The following CYTH4 variants were observed in gnomAD, a reference collection of about 807,000 sequenced individuals.
The protein encoded by CYTH4 is cytohesin 4.
Under a neutral mutation model 57.5 loss-of-function variants are expected in CYTH4, and 22 were observed. The ratio of observed to expected loss-of-function variants is 0.38; its 90% CI spans 0.27 to 0.55. The LOEUF (loss-of-function observed/expected upper bound fraction) is 0.55, where lower values mean the gene tolerates loss of function less well. Among genes scored for constraint, CYTH4 ranks in the 20% least tolerant of loss-of-function variants. CYTH4 has a pLI of 0.74. For missense variants in CYTH4, 420 were observed against 535.6 expected (o/e 0.78, Z 2.13); for synonymous variants, 186 against 206.5 (o/e 0.90, Z 0.85).
chr22:37,302,588 T>C (rs1929222190), intron 7 of CYTH4, among the ~76,000 whole-genome samples: 1 of 152,172 alleles, frequency 6.6e-6, no homozygotes, highest in South Asian at 2.1e-4. Context: ...ATGTCAAGGA[T>C]GGGGAAGCTG....
chr22:37,312,549 G>T (rs1030042558), intron 12 of CYTH4, among the ~76,000 whole-genome samples: 2 of 152,202 alleles, frequency 1.3e-5, no homozygotes, highest in Non-Finnish European at 2.9e-5. Flanking sequence ...AAACTTCCAG[G>T]TAAAAGGACC....
At chr22:37,305,647 C>T (rs1247062186) in intron 8 of CYTH4, among the ~76,000 whole-genome samples, 1 of 152,236 alleles carries the variant, frequency 6.6e-6, no homozygotes, top group East Asian at 1.9e-4. Flanking sequence ...CTGGGCCTCA[C>T]TTTCCCCATA....
intron 6 of CYTH4, chr22:37,300,023 G>A: frequency 1.4e-6 from 1 of 716,412 alleles, no homozygotes. Flanking sequence ...CTGTGCCCCA[G>A]TTTCCTCATC....
chr22:37,298,183 G>A lies in CYTH4; in HGVS notation c.353+501G>A, dbSNP rs914732292. The A allele has an allele frequency of 1.3e-4, 20 of 155,628 alleles. No homozygotes were observed. The highest frequency in any genetic ancestry group is 1.3e-3 in the Admixed American group (20 of 15,586). 9.6% of individuals were successfully genotyped at this position (155,628 alleles called of 1,614,324 possible). A position where few individuals can be genotyped will look rare whatever the true frequency, so the allele number is the denominator to read the frequency against. ...GGAGTTCCAGATCAGCCTAGCCAACGTGGTGAAACCCCGTCTCTACTAAAA... is the reference window on the plus strand; with the variant it reads ...GGAGTTCCAGATCAGCCTAGCCAACATGGTGAAACCCCGTCTCTACTAAAA... On this transcript the variant is annotated intron_variant, in intron 5 of 12. Coordinates refer to ENST00000248901, the MANE Select transcript of CYTH4 (RefSeq NM_013385.5). The surrounding 1 kb of genome is among the most constrained non-coding windows in gnomAD (Gnocchi z 4.1).
rs1929657689 is a variant in CYTH4 at position 37,311,954 on chromosome 22, T to C, written c.958-66T>C. ...AGGGACACTAGCGTCTGGGCTTCTC[T>C]GAGCCTCCTGGAGGGCCCACCCAGC... On this transcript the variant is annotated intron_variant, in intron 11 of 12. Coordinates refer to ENST00000248901, the MANE Select transcript of CYTH4 (RefSeq NM_013385.5). The surrounding 1 kb of genome is among the most constrained non-coding windows in gnomAD (Gnocchi z 4.4). The C allele has an allele frequency of 6.4e-7, 1 of 1,573,858 alleles. No homozygotes were observed. The highest frequency in any genetic ancestry group is 1.2e-5 in the South Asian group (1 of 85,886).
At chr22:37,312,460 G>A (rs1026086189) in intron 12 of CYTH4, among the ~76,000 whole-genome samples, 1 of 152,252 alleles carries the variant, frequency 6.6e-6, no homozygotes, top group Non-Finnish European at 1.5e-5. Context: ...CTGGCACGTG[G>A]TGAGTGCTCT....
chr22:37,303,351 C>A lies in CYTH4; in HGVS notation c.645C>A (p.Ser215=). The A allele has an allele frequency of 6.2e-7, 1 of 1,614,154 alleles. No homozygotes were observed. Among genetic ancestry groups the A allele is most frequent in the Non-Finnish European group, 8.5e-7 (1 of 1,180,016 alleles). ...GGCCGCCTTTTGAGCGCTTTGTGTCCATGAACCGCGGCATCAACAATGGTA... is the reference window on the plus strand; with the variant it reads ...GGCCGCCTTTTGAGCGCTTTGTGTCAATGAACCGCGGCATCAACAATGGTA... The part of the protein sequence containing the change: ...RDRPPFERFV[S]MNRGINNGSD... The change falls in exon 8 of 13, where the codon TCC becomes TCA. Residue 215 remains serine, a synonymous_variant. Transcript: ENST00000248901.
chr22:37,314,364 C>T lies in CYTH4; in HGVS notation c.*853C>T, dbSNP rs768674077. ...CGGGGAGAGGAGCAGGTGGGACCCTCAAGAAAATGACGGAGAACATCCCAG... is the reference window on the plus strand; with the variant it reads ...CGGGGAGAGGAGCAGGTGGGACCCTTAAGAAAATGACGGAGAACATCCCAG... On this transcript the variant is annotated 3_prime_UTR_variant, in exon 13 of 13. Coordinates refer to ENST00000248901, the MANE Select transcript of CYTH4 (RefSeq NM_013385.5). 4 of 398,606 alleles carry T rather than the reference C, an allele frequency of 1.0e-5. No homozygotes were observed. Among genetic ancestry groups the T allele is most frequent in the Non-Finnish European group, 1.8e-5 (4 of 226,158 alleles). The allele number at this position is 398,606 out of a possible 1,614,324, so 24.7% of individuals were successfully genotyped here.
intron 6 of CYTH4, 137 bp from the exon 7 acceptor site, chr22:37,300,770 C>A (rs909882277): frequency 1.4e-5 from 10 of 696,058 alleles, no homozygotes; most frequent in Non-Finnish European, 2.2e-5. Context: ...ATCCCACTTC[C>A]CCGTCAGCCC....
chr22:37,305,086 T>C (rs1929346104), intron 8 of CYTH4, among the ~76,000 whole-genome samples: 2 of 152,194 alleles, frequency 1.3e-5, no homozygotes, highest in African/African-American at 4.8e-5. Context: ...CGTGGTGCTA[T>C]GCGGGCACAC....
In CYTH4 at chr22:37,297,650, C is replaced by A; in HGVS notation, c.321C>A (p.Asn107Lys). Residue 107 changes from asparagine to lysine, a missense_variant, in exon 5 of 13, where the codon AAC (asparagine) becomes AAA (lysine). By Grantham distance (94) the Asn-to-Lys change is moderately conservative (BLOSUM62 0). Coordinates refer to ENST00000248901, the MANE Select transcript of CYTH4 (RefSeq NM_013385.5). ...ARFLYKGEGL[N>K]KTAIGTYLGE... The stretch of plus-strand genomic sequence containing the variant: ...TCCTGTATAAAGGCGAGGGCCTCAA[C>A]AAGACAGCCATTGGTACCTACCTGG... 6.2e-7 allele frequency: 1 copy of A among 1,613,956 alleles called. No homozygotes were observed. Among genetic ancestry groups the A allele is most frequent in the South Asian group, 1.1e-5 (1 of 91,086 alleles).
intron 3 of CYTH4, 71 bp downstream of exon 3, chr22:37,294,795 G>A (rs1928891588): frequency 3.8e-6 from 6 of 1,565,288 alleles, no homozygotes; most frequent in Non-Finnish European, 5.3e-6. Context: ...CACCTTGAAT[G>A]AGCAGGGGCC....
chr22:37,313,529 C>A lies in CYTH4; in HGVS notation c.*18C>A, dbSNP rs1929729010. ...AGCAGTGAGATTCCTGGAGGTGGCACTGGGGGCTGGTCACCCTGAGAGTCC... is the reference window on the plus strand; with the variant it reads ...AGCAGTGAGATTCCTGGAGGTGGCAATGGGGGCTGGTCACCCTGAGAGTCC... On this transcript the variant is annotated 3_prime_UTR_variant, in exon 13 of 13. Transcript: ENST00000248901. 6.2e-7 allele frequency: 1 copy of A among 1,613,134 alleles called. No individual in the cohort carries two copies. The highest frequency in any genetic ancestry group is 8.5e-7 in the Non-Finnish European group (1 of 1,179,134).
At chr22:37,302,661 C>A (rs1929223627) in intron 7 of CYTH4, among the ~76,000 whole-genome samples, 1 of 152,182 alleles carries the variant, frequency 6.6e-6, no homozygotes. Flanking sequence ...AGCTGAACTT[C>A]CCTGGCTCTG....
rs1929305360 is a variant in CYTH4, at chr22:37,304,112, G to A, written c.696+710G>A. ...GCGGCTGTCATTGCTCTGGGGGCAG[G>A]GAAGGGTGCCATCCTGGAAGTCTTC... On this transcript the variant is annotated intron_variant, in intron 8 of 12. Coordinates refer to ENST00000248901, the MANE Select transcript of CYTH4 (RefSeq NM_013385.5). 1.3e-5 allele frequency: 6 copies of A among 451,712 alleles called. No homozygotes were observed. In the Admixed American group the frequency reaches 1.4e-4, roughly 11 times the overall value. 28.0% of individuals were successfully genotyped at this position (451,712 alleles called of 1,614,324 possible).
At position 37,304,323 on chromosome 22, in the gene CYTH4, G is replaced by T. The variant is rs866587457; in HGVS notation, c.696+921G>T. The T allele has an allele frequency of 4.6e-5, 21 of 455,238 alleles. 1 individual carries two copies. The Middle Eastern group carries it at 2.8e-3, about 61-fold the overall frequency. 28.2% of individuals were successfully genotyped at this position (455,238 alleles called of 1,614,324 possible). A position where few individuals can be genotyped will look rare whatever the true frequency, so the allele number is the denominator to read the frequency against. On this transcript the variant is annotated intron_variant, in intron 8 of 12. Coordinates refer to ENST00000248901, the MANE Select transcript of CYTH4 (RefSeq NM_013385.5). ...ATGCACAGTAGTGGGTGACAGGGTG[G>T]GGCCAGAGGGTCCAGGGCTTCCAAT... is the stretch of plus-strand genomic sequence containing the variant.
At chr22:37,292,899 G>A (rs1928803965) in intron 2 of CYTH4, among the ~76,000 whole-genome samples, 196 bp downstream of exon 2, 1 of 152,116 alleles carries the variant, frequency 6.6e-6, no homozygotes, top group Non-Finnish European at 1.5e-5. Flanking sequence ...AGAACTGGGA[G>A]AGCCGGGGAG....
chr22:37,299,409 G>A, intron 6 of CYTH4, 103 bp downstream of exon 6: 1 of 1,005,620 alleles, frequency 9.9e-7, no homozygotes, highest in Non-Finnish European at 1.6e-6. Context: ...AAAGGGTTGG[G>A]AGCAAAGAAG....
At chr22:37,289,920 C>T (rs1305129864) in intron 1 of CYTH4, among the ~76,000 whole-genome samples, 5 of 152,288 alleles carry the variant, frequency 3.3e-5, no homozygotes, top group African/African-American at 7.2e-5. Context: ...CTCCTGCATC[C>T]GTTAGGTCTC....
Sources: allele counts gnomAD v4.1 joint callset (sites outside exome capture counted in the v4.1 genomes callset), GRCh38; gene constraint gnomAD v4.1.1; non-coding constraint Gnocchi (gnomAD v3.1); transcripts MANE v1.5; gene names NCBI Gene and HGNC (gene_info 2026-07-23, HGNC 2026-07-21).